CNTNAP2: variants seen among roughly 807,000 people sequenced by gnomAD.
The protein encoded by CNTNAP2 is contactin associated protein 2.
A neutral mutation model predicts 155.2 loss-of-function variants in CNTNAP2; 98 were observed. The ratio of observed to expected loss-of-function variants is 0.63; its 90% CI spans 0.54 to 0.75. The LOEUF is 0.75. Ranked by LOEUF, CNTNAP2 falls within the 30% of genes least tolerant of loss-of-function variation. CNTNAP2 has a pLI of 0.00. For missense variants in CNTNAP2, 1,727 were observed against 1,688.1 expected, an observed-to-expected ratio of 1.02 and a Z score of -0.40; for synonymous variants, 651 against 631.2, an observed-to-expected ratio of 1.03 and a Z score of -0.47.
At chr7:147,717,353 G>C (rs963958036) in intron 13 of CNTNAP2, among the ~76,000 whole-genome samples, 2 of 152,036 alleles carry the variant, frequency 1.3e-5, no homozygotes, top group Admixed American at 1.3e-4. Context: ...AATTAGGCCT[G>C]GTTGAAAAGT....
Position 146,770,141 on chromosome 7 carries a change from G to T in CNTNAP2, c.98-4130G>T, listed in dbSNP as rs140552209. ...ATTTGATTTTATTCTATTTAGCATTGAATTTTAAACCATTTTTATTACTCT... is the reference window on the plus strand; with the variant it reads ...ATTTGATTTTATTCTATTTAGCATTTAATTTTAAACCATTTTTATTACTCT... On this transcript the variant is annotated intron_variant, in intron 1 of 23. Transcript: ENST00000361727. 9.9e-4 allele frequency among the ~76,000 whole-genome samples: 150 copies of T among 151,884 alleles called. 1 individual carries two copies. The highest frequency in any genetic ancestry group is 1.8e-3 in the Admixed American group (28 of 15,254).
At chr7:147,602,888 A>C (rs1344200574) in intron 12 of CNTNAP2, among the ~76,000 whole-genome samples, 1 of 151,948 alleles carries the variant, frequency 6.6e-6, no homozygotes, top group African/African-American at 2.4e-5. Flanking sequence ...CCAGTCTATC[A>C]TTGTTGGACA....
At chr7:147,975,359 C>A (rs1032957976) in intron 14 of CNTNAP2, among the ~76,000 whole-genome samples, 2 of 151,918 alleles carry the variant, frequency 1.3e-5, no homozygotes, top group African/African-American at 4.8e-5. Flanking sequence ...TGTTCTAAAT[C>A]ATTATGTGGG....
At chr7:148,382,234 GCC>G (rs1332707219) in intron 21 of CNTNAP2, among the ~76,000 whole-genome samples, 1 of 152,218 alleles carries the variant, frequency 6.6e-6, no homozygotes, top group Non-Finnish European at 1.5e-5. Flanking sequence ...GGGCCCGGGA[GCC>G]TCTGCTGCCA....
At chr7:147,743,554 C>G (rs4725746) in intron 13 of CNTNAP2, among the ~76,000 whole-genome samples, 89,347 of 151,982 alleles carry the variant, frequency 0.59, 29,081 homozygotes, top group East Asian at 0.9. Context: ...GTTGTTTGGA[C>G]GCCTAACTCT....
chr7:148,412,004 C>T (rs1181142949), intron 23 of CNTNAP2, among the ~76,000 whole-genome samples: 5 of 152,074 alleles, frequency 3.3e-5, no homozygotes, highest in African/African-American at 4.8e-5. Context: ...AGTACAGTGG[C>T]GCGATCTCGG....
At chr7:147,610,043 T>C (rs563004848) in intron 12 of CNTNAP2, among the ~76,000 whole-genome samples, 36 of 152,214 alleles carry the variant, frequency 2.4e-4, no homozygotes, top group African/African-American at 7.9e-4. Flanking sequence ...CAGAGCAAAT[T>C]GTAAAGCTAA....
At chr7:147,561,998 T>A in intron 11 of CNTNAP2, 140 bp from the exon 12 acceptor site, 1 of 1,115,362 alleles carries the variant, frequency 9.0e-7, no homozygotes, top group Non-Finnish European at 1.3e-6. Context: ...GAATTTAAAT[T>A]TAGAGACAAA....
At chr7:148,026,762 C>T (rs1454749313) in intron 15 of CNTNAP2, among the ~76,000 whole-genome samples, 1 of 152,112 alleles carries the variant, frequency 6.6e-6, no homozygotes, top group Non-Finnish European at 1.5e-5. Context: ...AGTTAGAACC[C>T]TAATCCTCTT....
At chr7:146,396,253 T>C (rs1795625435) in intron 1 of CNTNAP2, among the ~76,000 whole-genome samples, 1 of 152,190 alleles carries the variant, frequency 6.6e-6, no homozygotes, top group African/African-American at 2.4e-5. Context: ...GAAATAAATG[T>C]ATAATTTTAC....
intron 12 of CNTNAP2, among the ~76,000 whole-genome samples, chr7:147,583,367 A>G (rs962825113): frequency 6.6e-5 from 10 of 151,902 alleles, no homozygotes; most frequent in Admixed American, 2.6e-4. Flanking sequence ...CTGCTGGATA[A>G]AATTCCTCTC....
At position 147,748,780 on chromosome 7, in the gene CNTNAP2, A is replaced by G. The variant is rs561756687; in HGVS notation, c.2098+109474A>G. ...TTCCTGGACTAAATAGTGTGTCTAC[A>G]AGATGGAATATTCTGTGTGATGGCA... is the stretch of plus-strand genomic sequence containing the variant. On this transcript the variant is annotated intron_variant, in intron 13 of 23. Coordinates refer to ENST00000361727, the MANE Select transcript of CNTNAP2 (RefSeq NM_014141.6). Among the ~76,000 whole-genome samples the G allele has an allele frequency of 5.3e-5, 8 of 152,282 alleles. No individual in the cohort carries two copies. In the East Asian group the frequency reaches 1.5e-3, roughly 29 times the overall value.
At chr7:147,906,238 A>G (rs1799955832) in intron 14 of CNTNAP2, among the ~76,000 whole-genome samples, 1 of 151,998 alleles carries the variant, frequency 6.6e-6, no homozygotes, top group African/African-American at 2.4e-5. Flanking sequence ...GTCACCCAGG[A>G]TGGAGTACAG....
At chr7:146,331,661 A>T (rs1801190446) in intron 1 of CNTNAP2, among the ~76,000 whole-genome samples, 1 of 152,138 alleles carries the variant, frequency 6.6e-6, no homozygotes, top group African/African-American at 2.4e-5. Flanking sequence ...CTCAAAAAAA[A>T]ACTGCAGGGT....
At chr7:146,193,612 A>G (rs1798737992) in intron 1 of CNTNAP2, among the ~76,000 whole-genome samples, 1 of 152,210 alleles carries the variant, frequency 6.6e-6, no homozygotes, top group African/African-American at 2.4e-5. Flanking sequence ...GGCCCTGTCC[A>G]CAAAACCATT....
chr7:147,687,341 G>T (rs1047066238), intron 13 of CNTNAP2, among the ~76,000 whole-genome samples: 2 of 152,124 alleles, frequency 1.3e-5, no homozygotes, highest in African/African-American at 4.8e-5. Context: ...AGTGATAGGA[G>T]AGGTCTATGG....
intron 3 of CNTNAP2, among the ~76,000 whole-genome samples, chr7:146,911,110 C>T (rs558718072): frequency 6.6e-6 from 1 of 152,202 alleles, no homozygotes; most frequent in African/African-American, 2.4e-5. Context: ...TATGAGATAT[C>T]ATCTCACACC....
intron 4 of CNTNAP2, among the ~76,000 whole-genome samples, chr7:147,088,073 C>A (rs958875180): frequency 2.0e-5 from 3 of 152,190 alleles, no homozygotes; most frequent in Admixed American, 6.5e-5. Context: ...TAGGCCTTAA[C>A]GTGGAAATTC....
intron 10 of CNTNAP2, among the ~76,000 whole-genome samples, chr7:147,401,174 T>G (rs935203884): frequency 6.6e-6 from 1 of 152,166 alleles, no homozygotes; most frequent in Non-Finnish European, 1.5e-5. Context: ...CTCTGCTCTT[T>G]CCTGTCTAAC....
Sources: allele counts gnomAD v4.1 joint callset (sites outside exome capture counted in the v4.1 genomes callset), GRCh38; gene constraint gnomAD v4.1.1; transcripts MANE v1.5; gene names NCBI Gene and HGNC (gene_info 2026-07-23, HGNC 2026-07-21).